HOXA3: variants seen among roughly 807,000 people sequenced by gnomAD.
HOXA3 encodes the protein homeobox protein Hox-A3.
In HOXA3, 8 loss-of-function variants were observed where a neutral mutation model predicts 30.3. The observed-to-expected ratio is 0.26, with a 90% CI of 0.15 to 0.48. The LOEUF (loss-of-function observed/expected upper bound fraction) is 0.48, where lower values mean the gene tolerates loss of function less well. HOXA3 is among the 20% of genes least tolerant of loss of function. The pLI is 0.99. For synonymous variants in HOXA3, 323 were observed against 273.1 expected (o/e 1.18, Z -1.80); for missense variants, 653 against 614.4 (o/e 1.06, Z -0.66).
Position 27,110,311 on chromosome 7 carries a change from C to T in HOXA3, c.330G>A (p.Gln110=). 6.6e-7 allele frequency: 1 copy of T among 1,520,852 alleles called. No homozygotes were observed. The allele number at this position is 1,520,852 out of a possible 1,614,324, so 94.2% of individuals were successfully genotyped here. A position where few individuals can be genotyped will look rare whatever the true frequency, so the allele number is the denominator to read the frequency against. Reference sequence around the variant, plus strand: ...GCGCGGCAGGGGTAGGTGCAGGGGGCTGAGGTGCGGGCTGAGGCGGCTGTG... The same window carrying T: ...GCGCGGCAGGGGTAGGTGCAGGGGGTTGAGGTGCGGGCTGAGGCGGCTGTG... ...PAPQPPQPAP[Q]PPAPTPAAPP... The change falls in exon 5 of 6, where the codon CAG becomes CAA. Residue 110 remains glutamine (Q), a synonymous_variant. Coordinates refer to ENST00000612286, the MANE Select transcript of HOXA3 (RefSeq NM_153631.3).
chr7:27,119,267 CAAGACAA>C (rs1450811485), intron 4 of HOXA3, among the ~76,000 whole-genome samples: 1 of 151,484 alleles, frequency 6.6e-6, no homozygotes, highest in African/African-American at 2.4e-5. Flanking sequence ...CCCACTTTTC[CAAGACAA>C]TTCTGTGTCC....
intron 1 of HOXA3, chr7:27,147,649 G>C (rs376057404): frequency 3.7e-5 from 59 of 1,614,088 alleles, no homozygotes; most frequent in Non-Finnish European, 4.6e-5. Flanking sequence ...GGGCCTCAGC[G>C]CGTCATAGCC....
intron 2 of HOXA3, among the ~76,000 whole-genome samples, chr7:27,127,846 G>A (rs1386385947): frequency 6.6e-6 from 1 of 152,086 alleles, no homozygotes; most frequent in African/African-American, 2.4e-5. Flanking sequence ...GAACTTTAGG[G>A]GTATATTATG....
At chr7:27,118,249 G>A (rs1371283005) in intron 4 of HOXA3, among the ~76,000 whole-genome samples, 4 of 152,184 alleles carry the variant, frequency 2.6e-5, no homozygotes, top group Admixed American at 6.5e-5. Context: ...CTCAGAGAGC[G>A]CTCTCCGGAG....
chr7:27,143,272 G>A (rs762654452), intron 1 of HOXA3: 1 of 1,605,918 alleles, frequency 6.2e-7, no homozygotes, highest in Non-Finnish European at 8.5e-7. Flanking sequence ...GGTGGCTGTC[G>A]CTGCCGGGCG....
At chr7:27,145,879 T>C in intron 1 of HOXA3, 2 of 1,614,110 alleles carry the variant, frequency 1.2e-6, no homozygotes, top group Non-Finnish European at 8.5e-7. Context: ...CGCGTGTAGG[T>C]CTGGCGGCCT....
chr7:27,141,536 C>G, intron 1 of HOXA3: 1 of 214,444 alleles, frequency 4.7e-6, no homozygotes, highest in Non-Finnish European at 9.1e-6. Context: ...GTTTTTTTTT[C>G]TCTTTTCTTT....
intron 2 of HOXA3, among the ~76,000 whole-genome samples, 198 bp downstream of exon 2, chr7:27,139,885 C>G (rs1782482157): frequency 1.3e-5 from 2 of 152,178 alleles, no homozygotes; most frequent in South Asian, 2.1e-4. Context: ...GCGGCGCGGC[C>G]ACAGGCGCTG....
In HOXA3 at chr7:27,110,557, G is replaced by C. The variant is rs1784312876; in HGVS notation, c.84C>G (p.Ala28=). Residue 28 remains alanine (A), a synonymous_variant, in exon 5 of 6, where the codon GCC becomes GCG. Coordinates refer to ENST00000612286, the MANE Select transcript of HOXA3 (RefSeq NM_153631.3). ...YQAANGFAYN[A]NQQPYPASAA... Reference sequence around the variant, plus strand: ...CGGACGCCGGGTACGGCTGCTGATTGGCATTATAAGCGAACCCGTTGGCTG... The same window carrying C: ...CGGACGCCGGGTACGGCTGCTGATTCGCATTATAAGCGAACCCGTTGGCTG... 1 of 1,606,446 alleles carries C rather than the reference G, an allele frequency of 6.2e-7. No homozygotes were observed.
At chr7:27,132,781 A>G (rs953057213) in intron 2 of HOXA3, among the ~76,000 whole-genome samples, 2 of 152,236 alleles carry the variant, frequency 1.3e-5, no homozygotes, top group African/African-American at 4.8e-5. Context: ...TATAAATAAT[A>G]TATAGACATA....
intron 1 of HOXA3, chr7:27,141,939 T>C: frequency 6.2e-7 from 1 of 1,614,236 alleles, no homozygotes. Context: ...TTAATTTGTC[T>C]CTCGGAGAGG....
At position 27,130,490 on chromosome 7, in the gene HOXA3, G is replaced by A; in HGVS notation, c.-389-3420C>T. On this transcript the variant is annotated intron_variant, in intron 2 of 5. Coordinates refer to ENST00000612286, the MANE Select transcript of HOXA3 (RefSeq NM_153631.3). Reference sequence around the variant, plus strand: ...TACAGCGCGGCAGCAGGGTAGGCGGGCTCGCGGGCGGTCCGCGGCGCGTAG... The same window carrying A: ...TACAGCGCGGCAGCAGGGTAGGCGGACTCGCGGGCGGTCCGCGGCGCGTAG... The A allele has an allele frequency of 5.5e-6, 7 of 1,278,126 alleles. No individual in the cohort carries two copies. The East Asian group carries it at 1.7e-4, about 31-fold the overall frequency. 79.2% of individuals were successfully genotyped at this position (1,278,126 alleles called of 1,614,324 possible).
chr7:27,152,484 G>A lies in HOXA3; in HGVS notation c.-690C>T, dbSNP rs55976669. 1 of 985,986 alleles carries A rather than the reference G, an allele frequency of 1.0e-6. No individual in the cohort carries two copies. The highest frequency in any genetic ancestry group is 1.3e-6 in the Non-Finnish European group (1 of 774,370). The allele number at this position is 985,986 out of a possible 1,614,324, so 61.1% of individuals were successfully genotyped here. A position where few individuals can be genotyped will look rare whatever the true frequency, so the allele number is the denominator to read the frequency against. ...GGGAGCCGCCAGGCCTGGCCTGGCCGGGGCTTCCCTTCGCTCGCCATCTCC... is the reference window on the plus strand; with the variant it reads ...GGGAGCCGCCAGGCCTGGCCTGGCCAGGGCTTCCCTTCGCTCGCCATCTCC... On this transcript the variant is annotated 5_prime_UTR_variant, in exon 1 of 6. Coordinates refer to ENST00000612286, the MANE Select transcript of HOXA3 (RefSeq NM_153631.3).
chr7:27,152,226 C>A, intron 1 of HOXA3, 62 bp downstream of exon 1: 1 of 1,147,334 alleles, frequency 8.7e-7, no homozygotes, highest in Non-Finnish European at 1.1e-6. Flanking sequence ...CCTCTCCCAC[C>A]GCTACCGCCG....
At chr7:27,130,482 G>A (rs763639842) in intron 2 of HOXA3, 36 of 1,272,906 alleles carry the variant, frequency 2.8e-5, no homozygotes, top group Middle Eastern at 6.0e-4. Flanking sequence ...CGGCAGCAGG[G>A]TAGGCGGGCT....
At position 27,111,337 on chromosome 7, in the gene HOXA3, A is replaced by T. The variant is rs560035171; in HGVS notation, c.-120-577T>A. On this transcript the variant is annotated intron_variant, in intron 4 of 5. Coordinates refer to ENST00000612286, the MANE Select transcript of HOXA3 (RefSeq NM_153631.3). ...GAGGTTTGCACAAAAAATTTCAGGC[A>T]ATTTGCCCCATCCAACCATGCTGGA... Among the ~76,000 whole-genome samples the T allele has an allele frequency of 8.5e-5, 13 of 152,286 alleles. No individual in the cohort carries two copies. The South Asian group carries it at 2.7e-3, about 32-fold the overall frequency.
chr7:27,137,958 T>C (rs1785764086), intron 2 of HOXA3, among the ~76,000 whole-genome samples: 1 of 152,174 alleles, frequency 6.6e-6, no homozygotes, highest in Non-Finnish European at 1.5e-5. Flanking sequence ...CACTCTTTTT[T>C]TTTTCTAATT....
chr7:27,130,785 G>A, intron 2 of HOXA3: 2 of 1,552,024 alleles, frequency 1.3e-6, no homozygotes, highest in South Asian at 2.3e-5. Flanking sequence ...CGTTTTTTCT[G>A]GGCTTGCCGA....
chr7:27,117,709 T>A (rs1583382244), intron 4 of HOXA3, among the ~76,000 whole-genome samples: 1 of 152,274 alleles, frequency 6.6e-6, no homozygotes, highest in East Asian at 1.9e-4. Context: ...CTCCATCCCC[T>A]GCCTGAAAAC....
Sources: gnomAD v4.1 joint callset for allele counts (sites outside exome capture counted in the v4.1 genomes callset) on GRCh38, gnomAD v4.1.1 for gene constraint, MANE v1.5 for transcripts, NCBI Gene and HGNC (gene_info 2026-07-23, HGNC 2026-07-21) for gene names.